Variants in CIT observed in about 807,000 individuals in gnomAD.
CIT encodes citron rho-interacting serine/threonine kinase.
CIT carries 79 observed loss-of-function variants against 272.7 expected under a neutral mutation model. The ratio of observed to expected loss-of-function variants is 0.29; its 90% CI spans 0.24 to 0.35. The LOEUF is 0.35. Ranked by LOEUF, CIT falls within the 10% of genes least tolerant of loss-of-function variation. CIT has a pLI of 1.00. For missense variants in CIT, 1,909 were observed against 2,618.3 expected (o/e 0.73, Z 5.91); for synonymous variants, 948 against 995.6 (o/e 0.95, Z 0.90).
chr12:119,707,639 T>C lies in CIT; in HGVS notation c.5211+540A>G, dbSNP rs567622580. 4.7e-4 allele frequency among the ~76,000 whole-genome samples: 71 copies of C among 152,224 alleles called. 1 individual carries two copies. The highest frequency in any genetic ancestry group is 1.7e-3 in the African/African-American group (71 of 41,540). ...CCCTCAGCCTCCCGAGTAGCTGGGATTACAGGCGCCCGCCACCGTGCCCAG... is the reference window on the plus strand; with the variant it reads ...CCCTCAGCCTCCCGAGTAGCTGGGACTACAGGCGCCCGCCACCGTGCCCAG... On this transcript the variant is annotated intron_variant, in intron 40 of 47. Transcript: ENST00000392521.
At chr12:119,760,092 C>A (rs1961562994) in intron 20 of CIT, among the ~76,000 whole-genome samples, 1 of 148,950 alleles carries the variant, frequency 6.7e-6, no homozygotes, top group Non-Finnish European at 1.5e-5. Flanking sequence ...GAGGCTGAGG[C>A]AGGAAAATTA....
intron 41 of CIT, 144 bp from the exon 42 acceptor site, chr12:119,702,102 A>T: frequency 1.6e-6 from 1 of 627,508 alleles, no homozygotes; most frequent in Non-Finnish European, 2.8e-6. Context: ...ATAGAGAGCC[A>T]TTCATCTTTT....
intron 10 of CIT, among the ~76,000 whole-genome samples, chr12:119,794,681 A>G (rs1593774597): frequency 6.6e-6 from 1 of 152,214 alleles, no homozygotes; most frequent in Non-Finnish European, 1.5e-5. Flanking sequence ...ATATTAGGAC[A>G]TCTGTCAGGC....
intron 5 of CIT, among the ~76,000 whole-genome samples, chr12:119,846,932 TAACA>T (rs796380700): frequency 5.5e-4 from 81 of 148,184 alleles, no homozygotes; most frequent in African/African-American, 1.8e-3. Context: ...AAAACAACAA[TAACA>T]AACAAACACA....
chr12:119,788,989 T>C (rs551658734), intron 10 of CIT, among the ~76,000 whole-genome samples: 29 of 152,188 alleles, frequency 1.9e-4, no homozygotes, highest in Middle Eastern at 3.4e-3. Context: ...TAAACAATCA[T>C]GGGATTGGAG....
chr12:119,861,440 A>T (rs1286863114), intron 3 of CIT, among the ~76,000 whole-genome samples: 1 of 152,076 alleles, frequency 6.6e-6, no homozygotes, highest in African/African-American at 2.4e-5. Flanking sequence ...ACAAAAAATT[A>T]GCCAGGTGTC....
At chr12:119,832,037 C>A (rs1366617187) in intron 7 of CIT, among the ~76,000 whole-genome samples, 1 of 152,110 alleles carries the variant, frequency 6.6e-6, no homozygotes, top group Admixed American at 6.6e-5. Context: ...ATCAAGTTCC[C>A]AAGGATTTGT....
Position 119,690,332 on chromosome 12 carries a change from C to A in CIT, c.6005G>T (p.Arg2002Leu). 1 of 1,597,000 alleles carries A rather than the reference C, an allele frequency of 6.3e-7. No homozygotes were observed. The highest frequency in any genetic ancestry group is 8.5e-7 in the Non-Finnish European group (1 of 1,178,200). The change falls in exon 47 of 48, where the codon CGC becomes CTC. Residue 2002 changes from arginine (R) to leucine (L), a missense_variant. Arg to Leu is a moderately radical substitution (Grantham distance 102, BLOSUM62 -2). Around this residue, in one of 8 missense-constraint regions of CIT, gnomAD observed 780 missense variants for 1,067.2 expected, o/e 0.73. Coordinates refer to ENST00000392521, the MANE Select transcript of CIT (RefSeq NM_001206999.2). The surrounding 1 kb of genome is among the most constrained non-coding windows in gnomAD (Gnocchi z 6.0). The stretch of plus-strand genomic sequence containing the variant: ...CCTGCGCAGCTCGGTCCGCCCCTCG[C>A]GGTAGCGGTGGGGTGTGCTTGGCTC... ...PREPSTPHRY[R>L]EGRTELRRDK...
intron 10 of CIT, among the ~76,000 whole-genome samples, chr12:119,786,730 G>C (rs1964826249): frequency 6.6e-6 from 1 of 152,200 alleles, no homozygotes; most frequent in Non-Finnish European, 1.5e-5. Context: ...TCCTGGCAAT[G>C]ACAAGGGCTG....
chr12:119,710,673 T>C lies in CIT; in HGVS notation c.4855-53A>G. 1 of 1,530,710 alleles carries C rather than the reference T, an allele frequency of 6.5e-7. No individual in the cohort carries two copies. The highest frequency in any genetic ancestry group is 1.7e-5 in the Admixed American group (1 of 59,882). 94.8% of individuals were successfully genotyped at this position (1,530,710 alleles called of 1,614,324 possible). ...CAGAAGACATCGTGAGGCTGATCTG[T>C]TTATGACCAAACCATCCAGAGAAAC... On this transcript the variant is annotated intron_variant, in intron 37 of 47. Transcript: ENST00000392521. The surrounding 1 kb of genome is among the most constrained non-coding windows in gnomAD (Gnocchi z 5.6).
chr12:119,766,349 AT>A (rs1241295130), intron 19 of CIT, among the ~76,000 whole-genome samples: 1 of 151,934 alleles, frequency 6.6e-6, no homozygotes, highest in African/African-American at 2.4e-5. Flanking sequence ...GGAATTGGAG[AT>A]CATCATATTA....
At chr12:119,767,298 G>C in intron 18 of CIT, 116 bp from the exon 19 acceptor site, 1 of 711,720 alleles carries the variant, frequency 1.4e-6, no homozygotes, top group South Asian at 2.4e-5. Flanking sequence ...CGGTCATCTG[G>C]TCCTCCATTA....
In CIT at chr12:119,730,489, G is replaced by A. The variant is rs746571388; in HGVS notation, c.3486+6C>T. On this transcript the variant is annotated splice_donor_region_variant and intron_variant, in intron 27 of 47. Transcript: ENST00000392521. ...TTCCTAAAAAGCAGAAGGGGTGGGC[G>A]CTGACCTTGTCAGAGAGGCTCTCGG... The A allele has an allele frequency of 8.1e-6, 13 of 1,606,788 alleles. No individual in the cohort carries two copies. Among genetic ancestry groups the A allele is most frequent in the African/African-American group, 4.0e-5 (3 of 74,790 alleles).
At position 119,770,683 on chromosome 12, in the gene CIT, G is replaced by T; in HGVS notation, c.2208+102C>A. On this transcript the variant is annotated intron_variant, in intron 18 of 47. Coordinates refer to ENST00000392521, the MANE Select transcript of CIT (RefSeq NM_001206999.2). The surrounding 1 kb of genome is among the most constrained non-coding windows in gnomAD (Gnocchi z 4.4). ...ACCTCACTCAATTCATCTACTTGGA[G>T]ATACCTCCCTTATTGTGGCGGTTAA... The T allele has an allele frequency of 7.3e-7, 1 of 1,366,084 alleles. No homozygotes were observed. Among genetic ancestry groups the T allele is most frequent in the Non-Finnish European group, 1.0e-6 (1 of 976,918 alleles). The allele number at this position is 1,366,084 out of a possible 1,614,324, so 84.6% of individuals were successfully genotyped here.
chr12:119,712,759 G>T lies in CIT; in HGVS notation c.4580-64C>A. ...AACAGGAACAAGAACAAGGGGAGAA[G>T]AGAGAGCGAGAGAGACAGCAAGGGA... On this transcript the variant is annotated intron_variant, in intron 35 of 47. Transcript: ENST00000392521. The surrounding 1 kb of genome is among the most constrained non-coding windows in gnomAD (Gnocchi z 5.2). The T allele has an allele frequency of 7.7e-7, 1 of 1,298,494 alleles. No individual in the cohort carries two copies. Among genetic ancestry groups the T allele is most frequent in the Non-Finnish European group, 1.1e-6 (1 of 899,398 alleles). 80.4% of individuals were successfully genotyped at this position (1,298,494 alleles called of 1,614,324 possible).
chr12:119,743,876 A>G (rs774889858), intron 23 of CIT, among the ~76,000 whole-genome samples: 1 of 152,212 alleles, frequency 6.6e-6, no homozygotes, highest in Non-Finnish European at 1.5e-5. Flanking sequence ...GAAGAAAAAA[A>G]AGTAGCCCAA....
chr12:119,831,552 T>C (rs922155426), intron 7 of CIT, among the ~76,000 whole-genome samples: 31 of 152,216 alleles, frequency 2.0e-4, no homozygotes, highest in African/African-American at 7.5e-4. Context: ...AACCTAATAA[T>C]ATCCACTTTT....
intron 9 of CIT, among the ~76,000 whole-genome samples, chr12:119,818,035 C>T (rs941384507): frequency 6.6e-6 from 1 of 151,988 alleles, no homozygotes; most frequent in East Asian, 1.9e-4. Flanking sequence ...TTACTAATAA[C>T]AATAACTTAT....
Position 119,784,840 on chromosome 12 carries a change from C to G in CIT, c.1401+120G>C. 6.8e-7 allele frequency: 1 copy of G among 1,460,586 alleles called. No individual in the cohort carries two copies. The highest frequency in any genetic ancestry group is 9.0e-7 in the Non-Finnish European group (1 of 1,106,536). The allele number at this position is 1,460,586 out of a possible 1,614,324, so 90.5% of individuals were successfully genotyped here. A position where few individuals can be genotyped will look rare whatever the true frequency, so the allele number is the denominator to read the frequency against. On this transcript the variant is annotated intron_variant, in intron 11 of 47. Transcript: ENST00000392521. The surrounding 1 kb of genome is among the most constrained non-coding windows in gnomAD (Gnocchi z 4.7). ...GGCGCGACTTCAGCGAAGGCAGGAG[C>G]GCCTCACTCTCTACGGATCAGGCGG...
Sources: allele counts gnomAD v4.1 joint callset (sites outside exome capture counted in the v4.1 genomes callset), GRCh38; gene constraint gnomAD v4.1.1; regional missense constraint gnomAD v4.1.1; non-coding constraint Gnocchi (gnomAD v3.1); transcripts MANE v1.5; gene names NCBI Gene and HGNC (gene_info 2026-07-23, HGNC 2026-07-21).